DRC11: variants seen among roughly 807,000 people sequenced by gnomAD.
The protein encoded by DRC11 is dynein regulatory complex subunit 11, also known as IQ and AAA domain-containing protein 1.
chr2:236,346,276 A>C, the DRC11 span, among the ~76,000 whole-genome samples: 1 of 152,244 alleles, frequency 6.6e-6, no homozygotes, highest in African/African-American at 2.4e-5. Context: ...ACACATGGTC[A>C]GAGCCAGCAC....
At chr2:236,416,739 A>ATATATTTT in the DRC11 span, among the ~76,000 whole-genome samples, 3 of 54,208 alleles carry the variant, frequency 5.5e-5, no homozygotes, top group Non-Finnish European at 1.2e-4. Flanking sequence ...ATATATATAT[A>ATATATTTT]TATATATATA....
At chr2:236,491,233 A>AG in the DRC11 span, among the ~76,000 whole-genome samples, 572 of 69,358 alleles carry the variant, frequency 8.2e-3, 47 homozygotes, top group Non-Finnish European at 0.014. Flanking sequence ...ATATATATAT[A>AG]TATATATACA....
the DRC11 span, among the ~76,000 whole-genome samples, chr2:236,383,740 T>G: frequency 6.6e-6 from 1 of 152,074 alleles, no homozygotes; most frequent in Non-Finnish European, 1.5e-5. Context: ...TGTATACATG[T>G]GCCATGCTGG....
chr2:236,403,876 G>A, the DRC11 span, among the ~76,000 whole-genome samples: 1 of 151,886 alleles, frequency 6.6e-6, no homozygotes, highest in Non-Finnish European at 1.5e-5. Context: ...TCGGGGCCCC[G>A]ACTGCAACAC....
At chr2:236,507,283 C>T in the DRC11 span, 2 of 1,614,018 alleles carry the variant, frequency 1.2e-6, no homozygotes, top group Non-Finnish European at 1.7e-6. Flanking sequence ...GCTACTTTCC[C>T]TCTTTTCCTC....
At chr2:236,484,478 T>C in the DRC11 span, among the ~76,000 whole-genome samples, 1 of 152,212 alleles carries the variant, frequency 6.6e-6, no homozygotes, top group African/African-American at 2.4e-5. Context: ...CTCTAAAACA[T>C]CACTTCTAAA....
the DRC11 span, among the ~76,000 whole-genome samples, chr2:236,336,697 G>A: frequency 6.6e-6 from 1 of 152,070 alleles, no homozygotes; most frequent in Non-Finnish European, 1.5e-5. The surrounding 1 kb of genome is among the most constrained non-coding windows in gnomAD (Gnocchi z 7.3). Flanking sequence ...AGCACACGCT[G>A]TCACCTCCCG....
chr2:236,386,492 T>G, the DRC11 span, among the ~76,000 whole-genome samples: 1 of 152,114 alleles, frequency 6.6e-6, no homozygotes, highest in East Asian at 1.9e-4. Flanking sequence ...TGTATTTCTG[T>G]GGGATCGGTG....
chr2:236,408,523 T>G, the DRC11 span: 10 of 732,080 alleles, frequency 1.4e-5, no homozygotes, highest in Non-Finnish European at 2.3e-5. This position sits in a 1 kb window ranked among gnomAD's most constrained non-coding sequence, Gnocchi z 5.5. Flanking sequence ...TCTGTTCACC[T>G]GGATCTCCAT....
At chr2:236,438,139 C>G in the DRC11 span, among the ~76,000 whole-genome samples, 1 of 138,822 alleles carries the variant, frequency 7.2e-6, no homozygotes, top group Non-Finnish European at 1.6e-5. Flanking sequence ...AGGAAGGGAT[C>G]CAGTTTCAGC....
At chr2:236,486,882 G>A in the DRC11 span, 1 of 1,609,348 alleles carries the variant, frequency 6.2e-7, no homozygotes, top group Non-Finnish European at 8.5e-7. The surrounding 1 kb of genome is among the most constrained non-coding windows in gnomAD (Gnocchi z 5.7). Flanking sequence ...TCCTTACGTT[G>A]ATGGAAACGT....
At chr2:236,411,451 C>T in the DRC11 span, among the ~76,000 whole-genome samples, 1 of 151,842 alleles carries the variant, frequency 6.6e-6, no homozygotes, top group Non-Finnish European at 1.5e-5. Flanking sequence ...GTTGGTGGGA[C>T]TGTAAACTAG....
chr2:236,481,558 G>A, the DRC11 span, among the ~76,000 whole-genome samples: 5 of 151,878 alleles, frequency 3.3e-5, no homozygotes, highest in African/African-American at 1.2e-4. Flanking sequence ...ATTTTCTGTT[G>A]GGGGGAGTGA....
the DRC11 span, chr2:236,343,785 TAATA>T: frequency 1.5e-6 from 2 of 1,291,640 alleles, no homozygotes; most frequent in South Asian, 2.5e-5. The surrounding 1 kb of genome is among the most constrained non-coding windows in gnomAD (Gnocchi z 6.6). Flanking sequence ...CCAGATTAAA[TAATA>T]AATGAGTTCT....
chr2:236,459,632 T>TATACGTATATAC, the DRC11 span, among the ~76,000 whole-genome samples: 26 of 139,552 alleles, frequency 1.9e-4, no homozygotes, highest in African/African-American at 6.1e-4. Context: ...TACATACGTA[T>TATACGTATATAC]ATACGTATAT....
At chr2:236,496,424 T>C in the DRC11 span, among the ~76,000 whole-genome samples, 1 of 152,154 alleles carries the variant, frequency 6.6e-6, no homozygotes, top group Non-Finnish European at 1.5e-5. The surrounding 1 kb of genome is among the most constrained non-coding windows in gnomAD (Gnocchi z 6.3). Context: ...CCTTTCAAAA[T>C]GAAGGTGAGC....
chr2:236,357,282 A>G, the DRC11 span, among the ~76,000 whole-genome samples: 2 of 109,266 alleles, frequency 1.8e-5, no homozygotes, highest in Non-Finnish European at 3.5e-5. Flanking sequence ...CATATATTAT[A>G]TATTTATATA....
chr2:236,436,198 CT>C, the DRC11 span, among the ~76,000 whole-genome samples: 1 of 152,132 alleles, frequency 6.6e-6, no homozygotes, highest in African/African-American at 2.4e-5. Context: ...ATATTCTTTG[CT>C]TTTTTATCAG....
chr2:236,465,883 T>C, the DRC11 span, among the ~76,000 whole-genome samples: 2 of 152,250 alleles, frequency 1.3e-5, no homozygotes, highest in Non-Finnish European at 2.9e-5. This position sits in a 1 kb window ranked among gnomAD's most constrained non-coding sequence, Gnocchi z 6.2. Flanking sequence ...CTCAGTGTAT[T>C]TAATCCAAAG....
Sources: allele counts gnomAD v4.1 joint callset (sites outside exome capture counted in the v4.1 genomes callset), GRCh38; gene constraint gnomAD v4.1.1; non-coding constraint Gnocchi (gnomAD v3.1); transcripts MANE v1.5; gene names NCBI Gene and HGNC (gene_info 2026-07-23, HGNC 2026-07-21).